The following ANK3 variants were observed in gnomAD, a reference collection of about 807,000 sequenced individuals.
ANK3 encodes ankyrin 3.
A neutral mutation model predicts 370.9 loss-of-function variants in ANK3; 57 were observed. The ratio of observed to expected loss-of-function variants is 0.15; its 90% confidence interval spans 0.12 to 0.19. ANK3 has a LOEUF of 0.19. ANK3 is among the 10% of genes least tolerant of loss of function. ANK3 has a pLI of 1.00. For missense variants in ANK3, 4,439 were observed against 5,302.1 expected, an observed-to-expected ratio of 0.84 and a Z score of 5.06; for synonymous variants, 1,929 against 1,946.3, an observed-to-expected ratio of 0.99 and a Z score of 0.23.
chr10:60,070,984 G>C lies in ANK3; in HGVS notation c.9897C>G (p.Val3299=). 2 of 1,614,056 alleles carry C rather than the reference G, an allele frequency of 1.2e-6. No homozygotes were observed. The highest frequency in any genetic ancestry group is 1.7e-6 in the Non-Finnish European group (2 of 1,179,974). ...CTGGTGAAGGTGGCTGCACTCTAATGACAGGTTCAGCCAGCTGGTACTTGT... is the reference window on the plus strand; with the variant it reads ...CTGGTGAAGGTGGCTGCACTCTAATCACAGGTTCAGCCAGCTGGTACTTGT... ...EHDKYQLAEP[V]IRVQPPSPVP... is the part of the protein sequence containing the mutation. Residue 3299 remains valine (V), a synonymous_variant, in exon 37 of 44, where the codon GTC becomes GTG. Transcript: ENST00000280772. The surrounding 1 kb of genome is among the most constrained non-coding windows in gnomAD (Gnocchi z 5.7).
rs1691905674 is a variant in ANK3, at chr10:60,315,703, G to A, written c.115-36064C>T. Among the ~76,000 whole-genome samples the A allele has an allele frequency of 2.0e-5, 3 of 151,754 alleles. No homozygotes were observed. The South Asian group carries it at 6.2e-4, about 32-fold the overall frequency. On this transcript the variant is annotated intron_variant, in intron 1 of 43. Transcript: ENST00000280772. The stretch of plus-strand genomic sequence containing the variant: ...TTTAATTTTTTTTCCACAGGATTTG[G>A]GAAAGTTCAAAATATATATATATAT...
chr10:60,593,552 T>A (rs1418158778), intron 2 of ANK3, among the ~76,000 whole-genome samples: 13 of 152,216 alleles, frequency 8.5e-5, no homozygotes, highest in Admixed American at 2.6e-4. Context: ...AATTTTTTTT[T>A]AAATCATGAC....
rs573430209 is a variant in ANK3, at chr10:60,674,568, C to T, written c.57+58695G>A. Among the ~76,000 whole-genome samples the T allele has an allele frequency of 1.8e-3, 270 of 152,312 alleles. 1 individual carries two copies. The highest frequency in any genetic ancestry group is 6.3e-3 in the African/African-American group (262 of 41,562). ...CTGCCTGCATGACCCAAGTACCTCC[C>T]ACACAGCCCCACCTCCAACAATGGG... On this transcript the variant is annotated intron_variant, in intron 1 of 43. Coordinates refer to the ANK3 transcript ENST00000373827.
At chr10:60,386,684 C>T (rs2062385053) in intron 1 of ANK3, among the ~76,000 whole-genome samples, 1 of 152,090 alleles carries the variant, frequency 6.6e-6, no homozygotes, top group Non-Finnish European at 1.5e-5. Context: ...CATGATAACA[C>T]ATAGTGATAT....
chr10:60,673,485 G>T (rs2079087055), intron 1 of ANK3, among the ~76,000 whole-genome samples: 1 of 151,964 alleles, frequency 6.6e-6, no homozygotes. Flanking sequence ...CGAGTAGCTG[G>T]GATTACAGGT....
chr10:60,468,995 G>GTATATATATATATACATATA (rs1464396090), intron 2 of ANK3, among the ~76,000 whole-genome samples: 4 of 34,556 alleles, frequency 1.2e-4, no homozygotes, highest in Non-Finnish European at 2.0e-4. Flanking sequence ...CACTTTTAGT[G>GTATATATATATATACATATA]TGTATATATA....
At chr10:60,625,736 C>T (rs945618610) in intron 1 of ANK3, among the ~76,000 whole-genome samples, 2 of 151,948 alleles carry the variant, frequency 1.3e-5, no homozygotes, top group African/African-American at 4.8e-5. Flanking sequence ...TTTTATTTGC[C>T]GTGATACTAG....
rs1248978535 is a variant in ANK3, at chr10:60,205,886, C to T, written c.1199G>A (p.Gly400Asp). ...GCAGGCAATATGAAGAGGGGTAAAGCCATTCTGCAAGGGACAAATACATAT... is the reference window on the plus strand; with the variant it reads ...GCAGGCAATATGAAGAGGGGTAAAGTCATTCTGCAAGGGACAAATACATAT... ...KANPNAKALNGFTPLHIACKK... is the reference protein window; with the variant it reads ...KANPNAKALNDFTPLHIACKK... The change falls in exon 11 of 44, where the codon GGC becomes GAC. Residue 400 changes from glycine (G) to aspartate (D), a missense_variant. Physicochemically the swap from Gly to Asp is moderately conservative, Grantham distance 94. Coordinates refer to ENST00000280772, the MANE Select transcript of ANK3 (RefSeq NM_020987.5). The T allele has an allele frequency of 6.2e-7, 1 of 1,607,946 alleles. No homozygotes were observed. The highest frequency in any genetic ancestry group is 1.7e-5 in the Admixed American group (1 of 60,016).
At chr10:60,336,564 G>GATCGATCTATCT (rs768570797) in intron 1 of ANK3, among the ~76,000 whole-genome samples, 54 of 150,578 alleles carry the variant, frequency 3.6e-4, no homozygotes, top group African/African-American at 1.3e-3. Flanking sequence ...GGAATCTGGA[G>GATCGATCTATCT]ATCTATCTAT....
chr10:60,210,044 G>A (rs1411645151), intron 9 of ANK3, among the ~76,000 whole-genome samples: 1 of 152,178 alleles, frequency 6.6e-6, no homozygotes, highest in Non-Finnish European at 1.5e-5. Context: ...TCAGTAAGAT[G>A]AAATTCTTGA....
At chr10:60,321,376 G>GAAAGAAAAAAGA (rs71015787) in intron 1 of ANK3, among the ~76,000 whole-genome samples, 12 of 143,406 alleles carry the variant, frequency 8.4e-5, no homozygotes, top group South Asian at 7.3e-4. Flanking sequence ...AAAAGGAAAA[G>GAAAGAAAAAAGA]AAAGAAAAAA....
At chr10:60,422,196 T>G (rs942070594) in intron 2 of ANK3, among the ~76,000 whole-genome samples, 15 of 152,086 alleles carry the variant, frequency 9.9e-5, no homozygotes, top group African/African-American at 3.6e-4. Context: ...GTTTCTACCA[T>G]TAATTATCCT....
chr10:60,254,460 T>C (rs2097708928), intron 7 of ANK3, among the ~76,000 whole-genome samples: 1 of 152,184 alleles, frequency 6.6e-6, no homozygotes, highest in African/African-American at 2.4e-5. Flanking sequence ...CAGTAGCTGA[T>C]GTCCTTTCTA....
At chr10:60,175,727 G>A (rs899245688) in intron 18 of ANK3, among the ~76,000 whole-genome samples, 6 of 152,190 alleles carry the variant, frequency 3.9e-5, no homozygotes, top group Non-Finnish European at 7.3e-5. Flanking sequence ...ACGGGGGAAG[G>A]AGGGGCTCAG....
chr10:60,280,845 G>A (rs2098151453), intron 1 of ANK3, among the ~76,000 whole-genome samples: 1 of 152,166 alleles, frequency 6.6e-6, no homozygotes, highest in Admixed American at 6.5e-5. Flanking sequence ...GACCCCCCAG[G>A]TGGAGTTTAG....
chr10:60,640,850 T>A (rs1313344949), intron 1 of ANK3, among the ~76,000 whole-genome samples: 7 of 96,578 alleles, frequency 7.2e-5, no homozygotes, highest in Admixed American at 1.2e-4. Context: ...AGTCAAATTG[T>A]CCCTGTTTGC....
chr10:60,057,316 C>G (rs945844164), intron 41 of ANK3, among the ~76,000 whole-genome samples: 1 of 152,072 alleles, frequency 6.6e-6, no homozygotes, highest in Admixed American at 6.6e-5. Context: ...TCAGTATAGA[C>G]TATTTTTCAC....
intron 7 of ANK3, among the ~76,000 whole-genome samples, chr10:60,261,013 A>C (rs1482278918): frequency 6.6e-6 from 1 of 152,178 alleles, no homozygotes; most frequent in Non-Finnish European, 1.5e-5. Flanking sequence ...TACATATGCT[A>C]TCTCTTTTAA....
At chr10:60,437,429 T>C (rs948166269) in intron 2 of ANK3, among the ~76,000 whole-genome samples, 11 of 152,192 alleles carry the variant, frequency 7.2e-5, no homozygotes, top group South Asian at 4.1e-4. Context: ...AGGGCTGTCA[T>C]GTAGGGGAAC....
Sources: gnomAD v4.1 joint callset for allele counts (sites outside exome capture counted in the v4.1 genomes callset) on GRCh38, gnomAD v4.1.1 for gene constraint, Gnocchi (gnomAD v3.1) non-coding constraint, MANE v1.5 for transcripts, NCBI Gene and HGNC (gene_info 2026-07-23, HGNC 2026-07-21) for gene names.